Variants in HMBOX1 observed in about 807,000 individuals in gnomAD.
HMBOX1 encodes homeobox-containing protein 1.
In HMBOX1, 14 loss-of-function variants were observed where a neutral mutation model predicts 54.5. That is an observed-to-expected ratio of 0.26 (90% CI 0.17 to 0.40). The LOEUF is 0.40. HMBOX1 is among the 10% of genes least tolerant of loss of function. The pLI, the probability that HMBOX1 is intolerant of heterozygous loss-of-function variation, is 1.00. For synonymous variants in HMBOX1, 160 were observed against 181.0 expected (o/e 0.88, Z 0.93); for missense variants, 332 against 514.4 (o/e 0.65, Z 3.43).
chr8:28,917,066 CAAAAAAA>C lies in HMBOX1; in HGVS notation c.-58+26401_-58+26407del, dbSNP rs35179018. Among the ~76,000 whole-genome samples the C allele has an allele frequency of 4.2e-5, 3 of 70,996 alleles. No homozygotes were observed. In the South Asian group the frequency reaches 1.1e-3, roughly 27 times the overall value. 46.6% of individuals were successfully genotyped at this position (70,996 alleles called of 152,430 possible). On this transcript the variant is annotated intron_variant, in intron 1 of 9. Coordinates refer to ENST00000287701, the MANE Select transcript of HMBOX1 (RefSeq NM_001135726.3). ...TGGGTGACAGAGCAAGACCCTGTCT[CAAAAAAA>C]AAAAAAAAAAAAGAATTACCTTGTT...
At chr8:29,025,284 C>T (rs1801852298) in intron 6 of HMBOX1, among the ~76,000 whole-genome samples, 1 of 152,138 alleles carries the variant, frequency 6.6e-6, no homozygotes. Flanking sequence ...CAGTACCTGC[C>T]ATTAGAAAAT....
At chr8:29,002,792 T>C (rs936993814) in intron 4 of HMBOX1, among the ~76,000 whole-genome samples, 16 of 152,196 alleles carry the variant, frequency 1.1e-4, no homozygotes, top group African/African-American at 3.6e-4. Context: ...TTCATTTCAG[T>C]TATTACTTCT....
intron 8 of HMBOX1, 111 bp downstream of exon 8, chr8:29,047,564 C>CTTT (rs33978272): frequency 2.9e-3 from 898 of 307,330 alleles, no homozygotes; most frequent in East Asian, 4.6e-3. Context: ...CCTAACTTCT[C>CTTT]TTTTTTTTTT....
At chr8:28,946,999 C>T (rs1454909894) in intron 1 of HMBOX1, among the ~76,000 whole-genome samples, 1 of 151,888 alleles carries the variant, frequency 6.6e-6, no homozygotes, top group East Asian at 1.9e-4. Context: ...TGAGATAAAC[C>T]CTTGTCATTT....
At chr8:29,030,073 C>T (rs1802690363) in intron 6 of HMBOX1, among the ~76,000 whole-genome samples, 1 of 151,866 alleles carries the variant, frequency 6.6e-6, no homozygotes, top group Non-Finnish European at 1.5e-5. Context: ...CTTTTAAGCA[C>T]ACCCTCTACC....
At chr8:29,037,919 T>C (rs1194712244) in intron 6 of HMBOX1, among the ~76,000 whole-genome samples, 4 of 152,314 alleles carry the variant, frequency 2.6e-5, no homozygotes, top group Non-Finnish European at 5.9e-5. Context: ...GATGAAGAAA[T>C]ACACACTGAA....
At chr8:28,981,234 A>G (rs1829289523) in intron 4 of HMBOX1, among the ~76,000 whole-genome samples, 1 of 152,178 alleles carries the variant, frequency 6.6e-6, no homozygotes, top group Non-Finnish European at 1.5e-5. Flanking sequence ...TGTTTAATAT[A>G]TTACACTAGT....
chr8:28,916,944 G>A (rs1585770154), intron 1 of HMBOX1, among the ~76,000 whole-genome samples: 1 of 151,792 alleles, frequency 6.6e-6, no homozygotes, highest in Non-Finnish European at 1.5e-5. Context: ...ATGCATGCCT[G>A]TAGTCCCAGC....
intron 9 of HMBOX1, 95 bp downstream of exon 9, chr8:29,049,143 GA>G (rs745476006): frequency 1.4e-6 from 2 of 1,463,278 alleles, no homozygotes; most frequent in South Asian, 2.3e-5. Flanking sequence ...TGGGGTGGGG[GA>G]GGGGAAACAG....
intron 1 of HMBOX1, among the ~76,000 whole-genome samples, chr8:28,927,637 C>T (rs1818761971): frequency 6.6e-6 from 1 of 152,072 alleles, no homozygotes; most frequent in African/African-American, 2.4e-5. Flanking sequence ...ACAACCCAGA[C>T]ACCTTCCACT....
chr8:29,044,756 A>G (rs1158621720), intron 6 of HMBOX1, among the ~76,000 whole-genome samples: 4 of 152,220 alleles, frequency 2.6e-5, no homozygotes, highest in Non-Finnish European at 4.4e-5. Context: ...CTCACTTAGA[A>G]ATATGTCATA....
intron 1 of HMBOX1, chr8:28,949,963 G>A (rs1823121621): frequency 6.6e-6 from 1 of 152,182 alleles, no homozygotes; most frequent in South Asian, 2.1e-4. Flanking sequence ...ACAGAGGTTA[G>A]AGACTAGTTT....
Position 28,990,873 on chromosome 8 carries a change from C to T in HMBOX1, c.586+10717C>T, listed in dbSNP as rs1451683886. Among the ~76,000 whole-genome samples, 5 of 152,154 alleles carry T rather than the reference C, an allele frequency of 3.3e-5. No homozygotes were observed. In the East Asian group the frequency reaches 5.8e-4, roughly 18 times the overall value. On this transcript the variant is annotated intron_variant, in intron 4 of 9. Coordinates refer to ENST00000287701, the MANE Select transcript of HMBOX1 (RefSeq NM_001135726.3). Reference sequence around the variant, plus strand: ...TTCAACATGTTGGCCAGGCTGGTCTCGAGCTCCTGACTTCAAGTGATCTGC... The same window carrying T: ...TTCAACATGTTGGCCAGGCTGGTCTTGAGCTCCTGACTTCAAGTGATCTGC...
chr8:28,960,090 T>TATAA (rs1276881129), intron 1 of HMBOX1, among the ~76,000 whole-genome samples: 2 of 152,058 alleles, frequency 1.3e-5, no homozygotes, highest in African/African-American at 4.8e-5. Context: ...GACTTACTTA[T>TATAA]GCCTTCTGTA....
intron 5 of HMBOX1, among the ~76,000 whole-genome samples, chr8:29,014,269 G>A (rs529216215): frequency 7.7e-6 from 1 of 130,112 alleles, no homozygotes; most frequent in Admixed American, 7.3e-5. Flanking sequence ...TTAGATGGGG[G>A]GAAAAAAGAT....
intron 6 of HMBOX1, among the ~76,000 whole-genome samples, chr8:29,032,658 A>C (rs529672948): frequency 4.6e-5 from 7 of 152,266 alleles, no homozygotes; most frequent in African/African-American, 1.7e-4. Flanking sequence ...TCAGTGGTGC[A>C]GTTTTTATGC....
chr8:28,979,119 A>G (rs1367507332), intron 3 of HMBOX1, among the ~76,000 whole-genome samples: 1 of 152,252 alleles, frequency 6.6e-6, no homozygotes, highest in African/African-American at 2.4e-5. Context: ...GTGTTAGATA[A>G]GAAGTTACCT....
intron 1 of HMBOX1, among the ~76,000 whole-genome samples, chr8:28,951,786 G>C (rs1823455536): frequency 1.3e-5 from 2 of 152,188 alleles, no homozygotes; most frequent in Non-Finnish European, 2.9e-5. Flanking sequence ...CTCTGGTTAG[G>C]CTCTCTGCAG....
intron 1 of HMBOX1, among the ~76,000 whole-genome samples, chr8:28,950,147 T>C (rs1395479622): frequency 6.6e-6 from 1 of 152,234 alleles, no homozygotes; most frequent in Non-Finnish European, 1.5e-5. Flanking sequence ...CATTCTATTT[T>C]ACCCAGGAGA....
Sources: gnomAD v4.1 joint callset for allele counts (sites outside exome capture counted in the v4.1 genomes callset) on GRCh38, gnomAD v4.1.1 for gene constraint, MANE v1.5 for transcripts, NCBI Gene and HGNC (gene_info 2026-07-23, HGNC 2026-07-21) for gene names.